SATB2: variants seen among roughly 807,000 people sequenced by gnomAD.
SATB2 encodes the protein SATB homeobox 2, also known as DNA-binding protein SATB2.
Under a neutral mutation model 73.4 loss-of-function variants are expected in SATB2, and 1 was observed. The observed-to-expected ratio is 0.01, with a 90% CI of 0.00 to 0.06. The LOEUF (loss-of-function observed/expected upper bound fraction) is 0.06, where lower values mean the gene tolerates loss of function less well. Among genes scored for constraint, SATB2 ranks in the 10% least tolerant of loss-of-function variants. The probability of loss-of-function intolerance (pLI) is 1.00; values close to 1 mark genes in which losing one functional copy is unlikely to be tolerated. For synonymous variants in SATB2, 397 were observed against 367.0 expected, an observed-to-expected ratio of 1.08 and a Z score of -0.93; for missense variants, 459 against 945.8, an observed-to-expected ratio of 0.49 and a Z score of 6.75.
upstream of SATB2, among the ~76,000 whole-genome samples, chr2:199,465,710 A>G (rs956937122): frequency 6.6e-6 from 1 of 152,246 alleles, no homozygotes; most frequent in Non-Finnish European, 1.5e-5. Flanking sequence ...CTCCAACCAT[A>G]GTGATATATA....
At chr2:199,409,217 T>TAC (rs1359709968) in intron 3 of SATB2, among the ~76,000 whole-genome samples, 2 of 62,168 alleles carry the variant, frequency 3.2e-5, no homozygotes, top group Non-Finnish European at 5.6e-5. Flanking sequence ...TTGTGCAGGC[T>TAC]AGAGTACAAT....
At chr2:199,364,633 T>G (rs1401269594) in intron 6 of SATB2, among the ~76,000 whole-genome samples, 1 of 152,162 alleles carries the variant, frequency 6.6e-6, no homozygotes, top group African/African-American at 2.4e-5. Flanking sequence ...CTCATTCTAA[T>G]GGTATTATTT....
intron 2 of SATB2, among the ~76,000 whole-genome samples, chr2:199,435,110 C>T (rs148855406): frequency 6.6e-6 from 1 of 152,138 alleles, no homozygotes; most frequent in East Asian, 1.9e-4. Context: ...AACAAGAAAG[C>T]AGTATTATTG....
chr2:199,351,896 A>T (rs1351109906), intron 6 of SATB2, among the ~76,000 whole-genome samples: 1 of 152,194 alleles, frequency 6.6e-6, no homozygotes, highest in Non-Finnish European at 1.5e-5. Flanking sequence ...CTTGAGACCG[A>T]GTCTCACTCT....
At chr2:199,280,901 C>G (rs1402754632) in intron 10 of SATB2, among the ~76,000 whole-genome samples, 9 of 152,080 alleles carry the variant, frequency 5.9e-5, no homozygotes, top group Non-Finnish European at 1.0e-4. Flanking sequence ...TGACACACAC[C>G]CTATTCGTAC....
chr2:199,281,167 G>C (rs931683178), intron 10 of SATB2, among the ~76,000 whole-genome samples: 4 of 151,916 alleles, frequency 2.6e-5, no homozygotes, highest in Non-Finnish European at 5.9e-5. Context: ...CCAGGAGCGG[G>C]AGGTTGCAGT....
At chr2:199,300,493 CT>C (rs1687251942) in intron 10 of SATB2, among the ~76,000 whole-genome samples, 1 of 151,604 alleles carries the variant, frequency 6.6e-6, no homozygotes, top group Admixed American at 6.6e-5. Flanking sequence ...TATCCCAAAA[CT>C]TTTAAAAAAC....
At chr2:199,381,997 A>G (rs2105868317) in intron 3 of SATB2, among the ~76,000 whole-genome samples, 177 bp from the exon 4 acceptor site, 1 of 152,326 alleles carries the variant, frequency 6.6e-6, no homozygotes, top group African/African-American at 2.4e-5. Context: ...AGTTAACTAT[A>G]CAGGAAGATG....
chr2:199,430,619 G>A (rs1003363858), intron 3 of SATB2, among the ~76,000 whole-genome samples: 1 of 152,032 alleles, frequency 6.6e-6, no homozygotes, highest in African/African-American at 2.4e-5. Context: ...TTTTAACACA[G>A]GGAAAGAAAT....
chr2:199,426,679 A>T (rs1691338538), intron 3 of SATB2, among the ~76,000 whole-genome samples: 1 of 140,884 alleles, frequency 7.1e-6, no homozygotes. Context: ...TATATCTTTT[A>T]ACCATTCTCT....
chr2:199,327,285 C>T (rs916811144), intron 8 of SATB2, among the ~76,000 whole-genome samples: 5 of 151,956 alleles, frequency 3.3e-5, no homozygotes, highest in Non-Finnish European at 7.4e-5. Flanking sequence ...ACTAAAAATA[C>T]AAAAAATTAC....
intron 2 of SATB2, among the ~76,000 whole-genome samples, chr2:199,444,926 C>T (rs567991158): frequency 9.9e-5 from 15 of 152,220 alleles, no homozygotes; most frequent in African/African-American, 1.7e-4. Flanking sequence ...AGGCTGGCGG[C>T]GAGAAAGATG....
intron 3 of SATB2, among the ~76,000 whole-genome samples, chr2:199,389,655 CTGTT>C (rs1690065755): frequency 6.6e-6 from 1 of 152,164 alleles, no homozygotes; most frequent in Admixed American, 6.5e-5. Context: ...GATAACTTCT[CTGTT>C]TGCAAGAATT....
At chr2:199,404,849 T>C (rs541208454) in intron 3 of SATB2, among the ~76,000 whole-genome samples, 7 of 152,308 alleles carry the variant, frequency 4.6e-5, no homozygotes, top group African/African-American at 1.7e-4. Context: ...ACTGTGATGC[T>C]TCTAAGAGCT....
intron 6 of SATB2, among the ~76,000 whole-genome samples, chr2:199,354,499 G>T (rs1645730751): frequency 6.6e-6 from 1 of 152,194 alleles, no homozygotes; most frequent in African/African-American, 2.4e-5. Flanking sequence ...GGAAAGGAAT[G>T]ATGTCCCCAG....
intron 10 of SATB2, among the ~76,000 whole-genome samples, chr2:199,290,267 T>C (rs1340153401): frequency 6.6e-6 from 1 of 152,270 alleles, no homozygotes; most frequent in Non-Finnish European, 1.5e-5. Context: ...TTTGTGCTTT[T>C]CTTTCTCTTA....
At chr2:199,405,497 T>C (rs60909478) in intron 3 of SATB2, among the ~76,000 whole-genome samples, 2,762 of 152,080 alleles carry the variant, frequency 0.018, 83 homozygotes, top group African/African-American at 0.062. Context: ...CCCAGGGAAA[T>C]ACAAGACTAG....
At chr2:199,332,793 G>C (rs1338320925) in intron 7 of SATB2, among the ~76,000 whole-genome samples, 1 of 152,030 alleles carries the variant, frequency 6.6e-6, no homozygotes, top group African/African-American at 2.4e-5. Context: ...GAAAAGTCTG[G>C]GAAACGTTAT....
intron 3 of SATB2, among the ~76,000 whole-genome samples, chr2:199,388,553 A>T (rs1267915862): frequency 1.3e-5 from 2 of 152,212 alleles, no homozygotes; most frequent in Non-Finnish European, 2.9e-5. Context: ...TGTGAAACAG[A>T]TATAAGCAAC....
Sources: gnomAD v4.1 joint callset for allele counts (sites outside exome capture counted in the v4.1 genomes callset) on GRCh38, gnomAD v4.1.1 for gene constraint, MANE v1.5 for transcripts, NCBI Gene and HGNC (gene_info 2026-07-23, HGNC 2026-07-21) for gene names.